The following FA2H variants were observed in gnomAD, a reference collection of about 807,000 sequenced individuals.
The protein encoded by FA2H is fatty acid 2-hydroxylase.
In FA2H, 22 loss-of-function variants were observed where a neutral mutation model predicts 44.9. That is an observed-to-expected ratio of 0.49 (90% CI 0.35 to 0.70). FA2H has a LOEUF of 0.70. Ranked by LOEUF, FA2H falls within the 30% of genes least tolerant of loss-of-function variation. FA2H has a pLI of 0.01. For synonymous variants in FA2H, 243 were observed against 213.2 expected (o/e 1.14, Z -1.22); for missense variants, 501 against 504.9 (o/e 0.99, Z 0.07).
chr16:74,773,602 A>T (rs1401386221), intron 1 of FA2H, among the ~76,000 whole-genome samples: 2 of 152,136 alleles, frequency 1.3e-5, no homozygotes, highest in Non-Finnish European at 2.9e-5. Context: ...GACTTTTGGG[A>T]TGGAGCCAGC....
Position 74,728,266 on chromosome 16 carries a change from T to C in FA2H, c.364-880A>G, listed in dbSNP as rs140014649. On this transcript the variant is annotated intron_variant, in intron 2 of 6. Coordinates refer to ENST00000219368, the MANE Select transcript of FA2H (RefSeq NM_024306.5). ...GTTCGAGACTCCGTCTCTTCAAAAA[T>C]AAAAAAATAATAACGGTACCTGCAT... Among the ~76,000 whole-genome samples the C allele has an allele frequency of 6.8e-3, 1,042 of 152,144 alleles. 17 individuals are homozygous for C. The highest frequency in any genetic ancestry group is 0.023 in the African/African-American group (965 of 41,508).
intron 1 of FA2H, among the ~76,000 whole-genome samples, chr16:74,745,230 G>T (rs887385763): frequency 6.6e-6 from 1 of 152,172 alleles, no homozygotes; most frequent in African/African-American, 2.4e-5. Flanking sequence ...TCCTGATACC[G>T]CATTTACCTG....
chr16:74,750,761 C>CTG lies in FA2H; in HGVS notation c.271-10648_271-10647dup, dbSNP rs55799456. Among the ~76,000 whole-genome samples, 228 of 141,648 alleles carry CTG rather than the reference C, an allele frequency of 1.6e-3. 1 individual carries two copies. The highest frequency in any genetic ancestry group is 7.4e-3 in the East Asian group (36 of 4,894). 92.9% of individuals were successfully genotyped at this position (141,648 alleles called of 152,430 possible). On this transcript the variant is annotated intron_variant, in intron 1 of 6. Transcript: ENST00000219368. ...CAGGCCTATGTCCTCTTTTTTTTCA[C>CTG]TGTGTGTGTGTGTGTGTGTGTGTGT...
intron 1 of FA2H, among the ~76,000 whole-genome samples, chr16:74,752,015 T>G (rs1042941450): frequency 6.6e-6 from 1 of 152,202 alleles, no homozygotes; most frequent in Non-Finnish European, 1.5e-5. Context: ...ATCGCCCAGT[T>G]GCTCAAGCCA....
intron 1 of FA2H, among the ~76,000 whole-genome samples, chr16:74,752,535 G>A (rs1962545486): frequency 6.6e-6 from 1 of 152,056 alleles, no homozygotes; most frequent in South Asian, 2.1e-4. Context: ...CCAGGGTATT[G>A]GTCCATACAG....
chr16:74,714,779 AT>A (rs1961657963), intron 6 of FA2H, among the ~76,000 whole-genome samples: 1 of 152,128 alleles, frequency 6.6e-6, no homozygotes, highest in Non-Finnish European at 1.5e-5. Context: ...ACTTCATTTA[AT>A]TCTGATGAAT....
chr16:74,768,930 G>C (rs894889171), intron 1 of FA2H, among the ~76,000 whole-genome samples: 1 of 151,906 alleles, frequency 6.6e-6, no homozygotes, highest in Non-Finnish European at 1.5e-5. Flanking sequence ...TCTCCCTAAA[G>C]TCTTCTCAAG....
intron 1 of FA2H, among the ~76,000 whole-genome samples, chr16:74,770,080 G>A (rs761895631): frequency 3.9e-5 from 6 of 152,200 alleles, no homozygotes; most frequent in Non-Finnish European, 8.8e-5. Context: ...TAAACCAGCA[G>A]GACAGGGCCC....
intron 4 of FA2H, among the ~76,000 whole-genome samples, chr16:74,722,522 C>CAAGACTGTCTCAAA (rs1961861738): frequency 6.6e-6 from 1 of 151,850 alleles, no homozygotes; most frequent in African/African-American, 2.4e-5. Flanking sequence ...GATGACAGAG[C>CAAGACTGTCTCAAA]AAGACCCTGT....
intron 3 of FA2H, among the ~76,000 whole-genome samples, chr16:74,726,703 G>C (rs1035537851): frequency 2.6e-5 from 4 of 152,202 alleles, no homozygotes; most frequent in African/African-American, 9.6e-5. Flanking sequence ...AGCTTTCTTA[G>C]AGACACATAA....
intron 5 of FA2H, 101 bp from the exon 6 acceptor site, chr16:74,716,700 GAC>G: frequency 7.4e-7 from 1 of 1,354,586 alleles, no homozygotes; most frequent in Middle Eastern, 2.2e-4. Context: ...CAGCGGCCCA[GAC>G]ATTCCACTGC....
chr16:74,774,461 G>T lies in FA2H; in HGVS notation c.270+25C>A, dbSNP rs776868125. 4.7e-6 allele frequency: 7 copies of T among 1,499,306 alleles called. No individual in the cohort carries two copies. In the South Asian group the frequency reaches 5.3e-5, roughly 11 times the overall value. The allele number at this position is 1,499,306 out of a possible 1,614,324, so 92.9% of individuals were successfully genotyped here. On this transcript the variant is annotated intron_variant, in intron 1 of 6. Coordinates refer to ENST00000219368, the MANE Select transcript of FA2H (RefSeq NM_024306.5). ...AAGGCTGACGGAGGCCTGGGTTGGG[G>T]TGGGGGGCCCCGGCCCGGCTGTACC...
intron 2 of FA2H, among the ~76,000 whole-genome samples, chr16:74,735,678 A>G (rs982657131): frequency 1.2e-4 from 19 of 152,122 alleles, no homozygotes; most frequent in African/African-American, 4.3e-4. Flanking sequence ...AGTACATTCC[A>G]CTAGATCCTC....
intron 4 of FA2H, among the ~76,000 whole-genome samples, chr16:74,720,006 G>A (rs1165522126): frequency 6.6e-6 from 1 of 151,918 alleles, no homozygotes; most frequent in African/African-American, 2.4e-5. Context: ...CAGCCTAGGT[G>A]GAGAGGAGAA....
chr16:74,743,894 C>T (rs998092045), intron 1 of FA2H, among the ~76,000 whole-genome samples: 1 of 152,178 alleles, frequency 6.6e-6, no homozygotes, highest in Non-Finnish European at 1.5e-5. Context: ...CAGCGTCACG[C>T]GGTGTCAGTA....
rs867066565 is a variant in FA2H at position 74,774,204 on chromosome 16, G to C, written c.270+282C>G. Among the ~76,000 whole-genome samples, 21 of 152,242 alleles carry C rather than the reference G, an allele frequency of 1.4e-4. No homozygotes were observed. In the Middle Eastern group the frequency reaches 0.014, roughly 99 times the overall value. ...TGTCGGAGGGCAGGGGCTGCAGAAG[G>C]AACACGCTGGAAGGAGGGGTGCTGG... On this transcript the variant is annotated intron_variant, in intron 1 of 6. Coordinates refer to ENST00000219368, the MANE Select transcript of FA2H (RefSeq NM_024306.5).
In FA2H at chr16:74,720,180, C is replaced by CTTTTTTTTTTTTT. The variant is rs56341013; in HGVS notation, c.614-1033_614-1021dup. The stretch of plus-strand genomic sequence containing the variant: ...TTTGCTCCATATATTCATCCTCATC[C>CTTTTTTTTTTTTT]TTTTTTTTTTTTTTTTTTTTTTTTT... On this transcript the variant is annotated intron_variant, in intron 4 of 6. Coordinates refer to ENST00000219368, the MANE Select transcript of FA2H (RefSeq NM_024306.5). Among the ~76,000 whole-genome samples, 62 of 47,244 alleles carry CTTTTTTTTTTTTT rather than the reference C, an allele frequency of 1.3e-3. 9 individuals are homozygous for CTTTTTTTTTTTTT. Among genetic ancestry groups the CTTTTTTTTTTTTT allele is most frequent in the Non-Finnish European group, 1.7e-3 (47 of 27,316 alleles). 31.0% of individuals were successfully genotyped at this position (47,244 alleles called of 152,430 possible). A position where few individuals can be genotyped will look rare whatever the true frequency, so the allele number is the denominator to read the frequency against.
intron 2 of FA2H, among the ~76,000 whole-genome samples, chr16:74,737,479 G>C (rs1962205042): frequency 6.6e-6 from 1 of 152,142 alleles, no homozygotes. Flanking sequence ...GGGGCACCAG[G>C]GTTTGCTTCC....
At chr16:74,761,068 G>A (rs1315972328) in intron 1 of FA2H, among the ~76,000 whole-genome samples, 5 of 152,138 alleles carry the variant, frequency 3.3e-5, no homozygotes, top group East Asian at 1.9e-4. Flanking sequence ...ACGTTTACCT[G>A]TGTAACAAAC....
Sources: allele counts gnomAD v4.1 joint callset (sites outside exome capture counted in the v4.1 genomes callset), GRCh38; gene constraint gnomAD v4.1.1; transcripts MANE v1.5; gene names NCBI Gene and HGNC (gene_info 2026-07-23, HGNC 2026-07-21).